BPTF: variants seen among roughly 807,000 people sequenced by gnomAD.
BPTF encodes nucleosome-remodeling factor subunit BPTF.
BPTF carries 18 observed loss-of-function variants against 292.5 expected under a neutral mutation model. The ratio of observed to expected loss-of-function variants is 0.06; its 90% CI spans 0.04 to 0.09. The LOEUF (loss-of-function observed/expected upper bound fraction) is 0.09. Ranked by LOEUF, BPTF falls within the 10% of genes least tolerant of loss-of-function variation. BPTF has a pLI of 1.00. For missense variants in BPTF, 2,726 were observed against 3,498.7 expected (o/e 0.78, Z 5.57); for synonymous variants, 1,225 against 1,251.9 (o/e 0.98, Z 0.45).
chr17:67,978,701 C>T (rs1555695367), intron 27 of BPTF, among the ~76,000 whole-genome samples: 1 of 152,116 alleles, frequency 6.6e-6, no homozygotes, highest in Non-Finnish European at 1.5e-5. Flanking sequence ...AAAATGTCAG[C>T]AGACCAAATC....
At chr17:67,889,143 G>C (rs1450300367) in intron 4 of BPTF, among the ~76,000 whole-genome samples, 1 of 152,016 alleles carries the variant, frequency 6.6e-6, no homozygotes, top group Non-Finnish European at 1.5e-5. Flanking sequence ...GTAGCCTGCT[G>C]CCAGGCTGCA....
At chr17:67,907,185 C>CA (rs34520139) in intron 9 of BPTF, among the ~76,000 whole-genome samples, 23,782 of 92,270 alleles carry the variant, frequency 0.26, 2,827 homozygotes, top group East Asian at 0.69. Flanking sequence ...ACACTGTCTC[C>CA]AAAAAAAAAA....
chr17:67,890,352 T>C (rs1291937847), intron 4 of BPTF, among the ~76,000 whole-genome samples: 1 of 152,218 alleles, frequency 6.6e-6, no homozygotes, highest in Non-Finnish European at 1.5e-5. Context: ...TATTTCTTCT[T>C]TGTGATGGGC....
At chr17:67,844,070 CTT>C (rs35407119) in intron 1 of BPTF, among the ~76,000 whole-genome samples, 9,305 of 93,474 alleles carry the variant, frequency 0.1, 787 homozygotes, top group East Asian at 0.51. Context: ...CGGCCCCCGC[CTT>C]TTTTTTTTTT....
chr17:67,950,883 G>A (rs1271475854), intron 23 of BPTF: 2 of 151,314 alleles, frequency 1.3e-5, no homozygotes, highest in Non-Finnish European at 2.9e-5. Flanking sequence ...TACAAGATAA[G>A]CATTGAACCT....
At chr17:67,964,155 T>C in intron 24 of BPTF, 57 bp from the exon 25 acceptor site, 2 of 1,531,802 alleles carry the variant, frequency 1.3e-6, no homozygotes, top group South Asian at 1.2e-5. Flanking sequence ...CATGCTTTAT[T>C]ATAAGTAACA....
At chr17:67,981,825 G>C (rs2070391614) in intron 27 of BPTF, 1 of 762,666 alleles carries the variant, frequency 1.3e-6, no homozygotes. Flanking sequence ...TTTTGTTTTA[G>C]CGTAATTTTT....
At chr17:67,932,074 A>C (rs2064442084) in intron 18 of BPTF, 55 bp downstream of exon 18, 2 of 1,452,774 alleles carry the variant, frequency 1.4e-6, no homozygotes, top group African/African-American at 1.4e-5. Flanking sequence ...TCTAGGAAAT[A>C]CGTAATTCTC....
chr17:67,895,026 T>A (rs576460118), intron 7 of BPTF, among the ~76,000 whole-genome samples: 10 of 152,142 alleles, frequency 6.6e-5, no homozygotes, highest in Non-Finnish European at 1.3e-4. Context: ...AAGCAAAAAG[T>A]AAGAACCATT....
At chr17:67,840,214 C>T (rs2057441732) in intron 1 of BPTF, among the ~76,000 whole-genome samples, 1 of 151,866 alleles carries the variant, frequency 6.6e-6, no homozygotes, top group Non-Finnish European at 1.5e-5. Flanking sequence ...GCCATCCTCC[C>T]ACCTCTCAGC....
At chr17:67,935,834 G>A (rs2064866951) in intron 18 of BPTF, among the ~76,000 whole-genome samples, 4 of 152,134 alleles carry the variant, frequency 2.6e-5, no homozygotes. Context: ...CAGACTGGGC[G>A]ACAGAGTGAA....
At position 67,923,990 on chromosome 17, in the gene BPTF, T is replaced by C. The variant is rs1008677559; in HGVS notation, c.5709-557T>C. Among the ~76,000 whole-genome samples the C allele has an allele frequency of 2.5e-4, 37 of 150,980 alleles. 1 individual carries two copies. The highest frequency in any genetic ancestry group is 2.4e-3 in the Admixed American group (37 of 15,168). ...CCAAGTAGCTGGGATTACAGGCATG[T>C]GCCACCACGCCTGGCTGTTTTTTTT... On this transcript the variant is annotated intron_variant, in intron 14 of 27. Coordinates refer to ENST00000306378, the MANE Select transcript of BPTF (RefSeq NM_182641.4).
At chr17:67,927,620 T>C (rs1373443625) in intron 15 of BPTF, among the ~76,000 whole-genome samples, 1 of 152,202 alleles carries the variant, frequency 6.6e-6, no homozygotes, top group African/African-American at 2.4e-5. Flanking sequence ...CACAGCTCCA[T>C]TTGTTCTCAG....
chr17:67,932,026 A>G lies in BPTF; in HGVS notation c.6259+7A>G, dbSNP rs372833652. 9 of 1,605,152 alleles carry G rather than the reference A, an allele frequency of 5.6e-6. No individual in the cohort carries two copies. The African/African-American group carries it at 1.1e-4, about 19-fold the overall frequency. ...CCTGTGATGGTACAGCCAGGTATTT[A>G]TCCATCCAGCATTATCATTTTACAT... On this transcript the variant is annotated splice_region_variant and intron_variant, in intron 18 of 27. Transcript: ENST00000306378.
chr17:67,854,212 C>T lies in BPTF; in HGVS notation c.886C>T (p.Arg296Cys), dbSNP rs139581841. 1.2e-6 allele frequency: 2 copies of T among 1,614,052 alleles called. No homozygotes were observed. Among genetic ancestry groups the T allele is most frequent in the Non-Finnish European group, 8.5e-7 (1 of 1,180,046 alleles). The stretch of plus-strand genomic sequence containing the variant: ...TGTTGTGCTTTTGAAAGCAGTTCTG[C>T]GTGAAGAAGACACTTCCAATACTAC... ...MHVVLLKAVLREEDTSNTTFG... is the reference protein window; with the variant it reads ...MHVVLLKAVLCEEDTSNTTFG... Residue 296 changes from arginine (R) to cysteine (C), a missense_variant, in exon 2 of 28, where the codon CGT becomes TGT. Coordinates refer to ENST00000306378, the MANE Select transcript of BPTF (RefSeq NM_182641.4). This position sits in a 1 kb window ranked among gnomAD's most constrained non-coding sequence, Gnocchi z 5.6.
intron 17 of BPTF, 93 bp downstream of exon 17, chr17:67,929,580 T>C: frequency 7.1e-7 from 1 of 1,413,110 alleles, no homozygotes; most frequent in Non-Finnish European, 9.6e-7. Context: ...CAACTCAGTT[T>C]CCTTTGCCTA....
intron 9 of BPTF, among the ~76,000 whole-genome samples, chr17:67,907,439 TC>T (rs1299768937): frequency 1.3e-5 from 2 of 150,882 alleles, no homozygotes; most frequent in African/African-American, 4.9e-5. Flanking sequence ...CACTGCAACC[TC>T]CACCTCCCGG....
intron 11 of BPTF, among the ~76,000 whole-genome samples, chr17:67,914,577 C>T (rs2062856352): frequency 6.6e-6 from 1 of 152,178 alleles, no homozygotes. Context: ...TAACTTCTTT[C>T]CCACTGGAAA....
rs1290950565 is a variant in BPTF at position 67,982,858 on chromosome 17, T to C, written c.*570T>C. ...TTTCTTTCTATGAAAGGAGCTGCTA[T>C]GTACACATGTGCACACACACACAAC... On this transcript the variant is annotated 3_prime_UTR_variant, in exon 28 of 28. Coordinates refer to ENST00000306378, the MANE Select transcript of BPTF (RefSeq NM_182641.4). 2 of 152,792 alleles carry C rather than the reference T, an allele frequency of 1.3e-5. No individual in the cohort carries two copies. The highest frequency in any genetic ancestry group is 2.9e-5 in the Non-Finnish European group (2 of 68,212). The allele number at this position is 152,792 out of a possible 1,614,324, so 9.5% of individuals were successfully genotyped here. A position where few individuals can be genotyped will look rare whatever the true frequency, so the allele number is the denominator to read the frequency against.
Sources: gnomAD v4.1 joint callset for allele counts (sites outside exome capture counted in the v4.1 genomes callset) on GRCh38, gnomAD v4.1.1 for gene constraint, Gnocchi (gnomAD v3.1) non-coding constraint, MANE v1.5 for transcripts, NCBI Gene and HGNC (gene_info 2026-07-23, HGNC 2026-07-21) for gene names.